The following SMOC1 variants were observed in gnomAD, a reference collection of about 807,000 sequenced individuals.
SMOC1 encodes the protein SPARC related modular calcium binding 1.
A neutral mutation model predicts 56.3 loss-of-function variants in SMOC1; 22 were observed. The ratio of observed to expected loss-of-function variants is 0.39; its 90% CI spans 0.28 to 0.56. SMOC1 has a LOEUF of 0.56. Ranked by LOEUF, SMOC1 falls within the 20% of genes least tolerant of loss-of-function variation. The pLI is 0.61. For synonymous variants in SMOC1, 193 were observed against 215.0 expected (o/e 0.90, Z 0.89); for missense variants, 509 against 565.4 (o/e 0.90, Z 1.01).
At chr14:69,926,295 C>G (rs747378258) in intron 1 of SMOC1, among the ~76,000 whole-genome samples, 16 of 152,264 alleles carry the variant, frequency 1.1e-4, no homozygotes, top group Non-Finnish European at 2.2e-4. Flanking sequence ...AGGCTCAATA[C>G]CAGGGCCAAT....
intron 3 of SMOC1, among the ~76,000 whole-genome samples, chr14:69,962,586 T>C (rs1489876635): frequency 1.3e-5 from 2 of 151,262 alleles, no homozygotes; most frequent in Non-Finnish European, 1.5e-5. Context: ...TTTTCTTTTC[T>C]TTTTTTTTGA....
Position 70,030,440 on chromosome 14 carries a change from C to G in SMOC1, c.*182C>G. ...TGTTTTTGGTTTCATTTTAAAACAC[C>G]AATATCTAATACCACAGTGGGAAAA... On this transcript the variant is annotated 3_prime_UTR_variant, in exon 12 of 12. Coordinates refer to ENST00000361956, the MANE Select transcript of SMOC1 (RefSeq NM_001034852.3). 3 of 494,932 alleles carry G rather than the reference C, an allele frequency of 6.1e-6. 1 individual carries two copies. In the South Asian group the frequency reaches 7.2e-5, roughly 12 times the overall value. The allele number at this position is 494,932 out of a possible 1,614,324, so 30.7% of individuals were successfully genotyped here. A position where few individuals can be genotyped will look rare whatever the true frequency, so the allele number is the denominator to read the frequency against.
chr14:70,008,233 G>T (rs1210294028), intron 7 of SMOC1, among the ~76,000 whole-genome samples: 1 of 152,050 alleles, frequency 6.6e-6, no homozygotes, highest in Non-Finnish European at 1.5e-5. Flanking sequence ...GGACTCAGGT[G>T]GCCCTCTCAC....
intron 7 of SMOC1, among the ~76,000 whole-genome samples, chr14:69,999,630 T>C (rs1257595543): frequency 6.6e-6 from 1 of 152,206 alleles, no homozygotes; most frequent in Non-Finnish European, 1.5e-5. Context: ...GCAGGTGCCT[T>C]GGTCAATCAT....
intron 11 of SMOC1, among the ~76,000 whole-genome samples, chr14:70,029,171 C>T (rs1886045413): frequency 6.6e-6 from 1 of 152,188 alleles, no homozygotes; most frequent in South Asian, 2.1e-4. Context: ...CCCCCAGCTC[C>T]TCGCTCCTCT....
At chr14:69,972,731 G>T (rs1313070449) in intron 3 of SMOC1, among the ~76,000 whole-genome samples, 2 of 152,172 alleles carry the variant, frequency 1.3e-5, no homozygotes, top group Admixed American at 6.5e-5. Context: ...TGAGCCCACA[G>T]GTCAGATTAT....
chr14:69,989,209 A>C (rs915524870), intron 5 of SMOC1, among the ~76,000 whole-genome samples: 1 of 152,136 alleles, frequency 6.6e-6, no homozygotes, highest in African/African-American at 2.4e-5. Context: ...AATATTGTCT[A>C]TCTTTTTATT....
Position 69,879,527 on chromosome 14 carries a change from G to T in SMOC1, c.-152G>T. The T allele has an allele frequency of 1.9e-6, 1 of 517,108 alleles. No homozygotes were observed. The highest frequency in any genetic ancestry group is 4.0e-5 in the South Asian group (1 of 24,758). 32.0% of individuals were successfully genotyped at this position (517,108 alleles called of 1,614,324 possible). A position where few individuals can be genotyped will look rare whatever the true frequency, so the allele number is the denominator to read the frequency against. ...TGCGCGGTTCATGACTGTGTCCCCT[G>T]ACCGCAGCCTCTGCGAGCCCCCGCC... is the stretch of plus-strand genomic sequence containing the variant. On this transcript the variant is annotated 5_prime_UTR_variant, in exon 1 of 12. Coordinates refer to ENST00000361956, the MANE Select transcript of SMOC1 (RefSeq NM_001034852.3).
At chr14:69,962,050 T>A (rs998743098) in intron 3 of SMOC1, among the ~76,000 whole-genome samples, 8 of 152,228 alleles carry the variant, frequency 5.3e-5, no homozygotes, top group African/African-American at 1.4e-4. Flanking sequence ...CATTTCTATA[T>A]CTTTGGAGAA....
intron 1 of SMOC1, among the ~76,000 whole-genome samples, chr14:69,933,816 C>A (rs888214096): frequency 6.6e-6 from 1 of 152,164 alleles, no homozygotes; most frequent in Admixed American, 6.5e-5. Flanking sequence ...TCGCGCCTGG[C>A]CAGAAAATTG....
At chr14:69,979,284 A>G (rs771271602) in intron 5 of SMOC1, among the ~76,000 whole-genome samples, 8 of 152,078 alleles carry the variant, frequency 5.3e-5, no homozygotes, top group Non-Finnish European at 1.0e-4. Flanking sequence ...GCTGCCCCCA[A>G]ATGCAGGTGC....
chr14:69,987,567 C>T (rs186425373), intron 5 of SMOC1, among the ~76,000 whole-genome samples: 2 of 152,346 alleles, frequency 1.3e-5, no homozygotes, highest in Non-Finnish European at 2.9e-5. Context: ...CCTGGCCCTG[C>T]GTCCCTGGAC....
intron 5 of SMOC1, among the ~76,000 whole-genome samples, chr14:69,980,060 G>A (rs1172362561): frequency 2.0e-5 from 3 of 151,648 alleles, no homozygotes; most frequent in Non-Finnish European, 3.0e-5. Flanking sequence ...GGTCCAGCTG[G>A]AAGTGGGGGG....
At chr14:69,993,764 C>T (rs966589260) in intron 6 of SMOC1, among the ~76,000 whole-genome samples, 3 of 152,158 alleles carry the variant, frequency 2.0e-5, no homozygotes, top group Admixed American at 1.3e-4. Flanking sequence ...GAGACTGTCT[C>T]ATCTTGGGAG....
intron 5 of SMOC1, among the ~76,000 whole-genome samples, chr14:69,985,633 T>C (rs1170782293): frequency 1.3e-5 from 2 of 152,244 alleles, no homozygotes; most frequent in Non-Finnish European, 2.9e-5. Context: ...TGAGCCATTC[T>C]GAGTAGTGTG....
At chr14:69,999,420 G>A (rs762859709) in intron 7 of SMOC1, among the ~76,000 whole-genome samples, 7 of 152,170 alleles carry the variant, frequency 4.6e-5, no homozygotes, top group African/African-American at 1.4e-4. Flanking sequence ...GGAAACCAGC[G>A]GTAGCCGTCG....
intron 1 of SMOC1, among the ~76,000 whole-genome samples, chr14:69,896,772 C>T (rs976759216): frequency 3.9e-5 from 6 of 152,210 alleles, no homozygotes; most frequent in African/African-American, 1.4e-4. Flanking sequence ...TGGTCTTCCT[C>T]CATGTGCCGT....
intron 10 of SMOC1, among the ~76,000 whole-genome samples, chr14:70,017,912 G>A (rs1349444084): frequency 6.6e-6 from 1 of 152,234 alleles, no homozygotes; most frequent in African/African-American, 2.4e-5. Flanking sequence ...TCCCTTATGA[G>A]TGGGAAAATG....
At chr14:70,021,887 G>C (rs1885740725) in intron 10 of SMOC1, among the ~76,000 whole-genome samples, 1 of 152,150 alleles carries the variant, frequency 6.6e-6, no homozygotes, top group Admixed American at 6.5e-5. Context: ...GCCTTGAATA[G>C]TTTCCCCACC....
Sources: gnomAD v4.1 joint callset for allele counts (sites outside exome capture counted in the v4.1 genomes callset) on GRCh38, gnomAD v4.1.1 for gene constraint, MANE v1.5 for transcripts, NCBI Gene and HGNC (gene_info 2026-07-23, HGNC 2026-07-21) for gene names.